DCC: variants seen among roughly 807,000 people sequenced by gnomAD.
The protein encoded by DCC is netrin receptor DCC.
Under a neutral mutation model 172.5 loss-of-function variants are expected in DCC, and 58 were observed. That is an observed-to-expected ratio of 0.34 (90% CI 0.27 to 0.42). The LOEUF (loss-of-function observed/expected upper bound fraction) is 0.42, where lower values mean the gene tolerates loss of function less well. Ranked by LOEUF, DCC falls within the 10% of genes least tolerant of loss-of-function variation. DCC has a pLI of 1.00. For synonymous variants in DCC, 709 were observed against 644.5 expected (o/e 1.10, Z -1.52); for missense variants, 1,740 against 1,791.0 (o/e 0.97, Z 0.51).
intron 2 of DCC, among the ~76,000 whole-genome samples, chr18:52,788,432 C>A (rs181309715): frequency 6.6e-5 from 10 of 152,116 alleles, no homozygotes; most frequent in Non-Finnish European, 1.5e-4. Context: ...GTAAAGCATG[C>A]AGTATACAAC....
chr18:53,241,854 C>T (rs1197115933), intron 12 of DCC, among the ~76,000 whole-genome samples: 1 of 152,126 alleles, frequency 6.6e-6, no homozygotes, highest in African/African-American at 2.4e-5. Flanking sequence ...TGGAAAATCA[C>T]ACATGGAGTT....
intron 1 of DCC, among the ~76,000 whole-genome samples, chr18:52,345,787 G>A (rs1454735054): frequency 6.6e-6 from 1 of 151,536 alleles, no homozygotes; most frequent in Non-Finnish European, 1.5e-5. Flanking sequence ...GCTGCTTTTG[G>A]TGGAGAGTTA....
At chr18:52,734,907 A>G (rs1398818269) in intron 1 of DCC, among the ~76,000 whole-genome samples, 1 of 152,168 alleles carries the variant, frequency 6.6e-6, no homozygotes, top group African/African-American at 2.4e-5. Context: ...TATGTGGTAG[A>G]TCAATAAATA....
chr18:52,739,163 A>T (rs865779746), intron 1 of DCC, among the ~76,000 whole-genome samples: 1 of 152,180 alleles, frequency 6.6e-6, no homozygotes, highest in Non-Finnish European at 1.5e-5. Context: ...CTACAAGCTT[A>T]TAAGACCACT....
At chr18:52,630,784 TA>T (rs1231748769) in intron 1 of DCC, among the ~76,000 whole-genome samples, 1 of 152,208 alleles carries the variant, frequency 6.6e-6, no homozygotes, top group African/African-American at 2.4e-5. Context: ...AGGTTACACT[TA>T]AACATTACTC....
At chr18:53,362,912 T>C (rs1160590233) in intron 15 of DCC, among the ~76,000 whole-genome samples, 2 of 152,182 alleles carry the variant, frequency 1.3e-5, no homozygotes, top group Non-Finnish European at 2.9e-5. Flanking sequence ...ATAATAATGG[T>C]AATGAATAAC....
intron 5 of DCC, among the ~76,000 whole-genome samples, chr18:53,027,534 T>C (rs1432534163): frequency 6.6e-6 from 1 of 152,180 alleles, no homozygotes; most frequent in Non-Finnish European, 1.5e-5. Context: ...GTCAGTGCTC[T>C]GACAAAAGTA....
chr18:52,851,139 C>CT (rs1484530598), intron 2 of DCC, among the ~76,000 whole-genome samples: 1 of 151,930 alleles, frequency 6.6e-6, no homozygotes. Context: ...GTGAGGTGAC[C>CT]TCACCAAAAT....
intron 2 of DCC, among the ~76,000 whole-genome samples, chr18:52,882,478 T>C (rs1050983222): frequency 1.3e-5 from 2 of 152,098 alleles, no homozygotes; most frequent in Admixed American, 6.6e-5. Flanking sequence ...TTTTGGAATG[T>C]TGTGTTTCCA....
chr18:52,813,655 G>A lies in DCC; in HGVS notation c.412+61281G>A, dbSNP rs1174855596. On this transcript the variant is annotated intron_variant, in intron 2 of 28. Transcript: ENST00000442544. ...GCCAGACATCATTCTTGGTATATCT[G>A]TGAGGTTGTTTTTGGTTGAGATTAA... is the stretch of plus-strand genomic sequence containing the variant. 2.0e-5 allele frequency among the ~76,000 whole-genome samples: 3 copies of A among 152,214 alleles called. No homozygotes were observed. In the East Asian group the frequency reaches 5.8e-4, roughly 29 times the overall value.
At chr18:52,847,723 G>T (rs910800092) in intron 2 of DCC, among the ~76,000 whole-genome samples, 1 of 152,140 alleles carries the variant, frequency 6.6e-6, no homozygotes, top group African/African-American at 2.4e-5. Context: ...TTCCTGGTTA[G>T]ACCATTGGAT....
intron 1 of DCC, among the ~76,000 whole-genome samples, chr18:52,486,411 T>C (rs907798138): frequency 6.6e-6 from 1 of 152,164 alleles, no homozygotes; most frequent in Non-Finnish European, 1.5e-5. Flanking sequence ...AGACCTGATA[T>C]ACACCTTATA....
chr18:53,414,972 A>T (rs935309437), intron 20 of DCC, among the ~76,000 whole-genome samples: 1 of 152,192 alleles, frequency 6.6e-6, no homozygotes, highest in Non-Finnish European at 1.5e-5. Context: ...TTGATTTCTG[A>T]TTTAGAAATC....
chr18:53,082,879 C>T (rs891419222), intron 7 of DCC, among the ~76,000 whole-genome samples: 1 of 152,054 alleles, frequency 6.6e-6, no homozygotes, highest in African/African-American at 2.4e-5. Flanking sequence ...CCTCCACTCC[C>T]TCATTCCTAG....
chr18:53,361,704 T>C (rs941216871), intron 15 of DCC, among the ~76,000 whole-genome samples: 1 of 152,196 alleles, frequency 6.6e-6, no homozygotes, highest in African/African-American at 2.4e-5. Flanking sequence ...CTACCTTTTT[T>C]GTAATGTGGC....
intron 15 of DCC, among the ~76,000 whole-genome samples, chr18:53,361,180 A>G (rs1253784698): frequency 6.6e-6 from 1 of 152,156 alleles, no homozygotes; most frequent in Non-Finnish European, 1.5e-5. Flanking sequence ...CAGAAAAGGC[A>G]AAAAAGGATC....
intron 2 of DCC, among the ~76,000 whole-genome samples, chr18:52,871,322 C>CTTT (rs77020050): frequency 1.6e-3 from 226 of 145,534 alleles, no homozygotes; most frequent in African/African-American, 5.6e-3. Context: ...AGAACAGTGT[C>CTTT]TTTTTTTTTT....
chr18:52,760,062 C>T (rs781035982), intron 2 of DCC, among the ~76,000 whole-genome samples: 40 of 152,176 alleles, frequency 2.6e-4, no homozygotes, highest in Non-Finnish European at 4.4e-4. Flanking sequence ...AGTCTGTTCT[C>T]ACACTGCTAT....
chr18:52,400,616 A>G (rs574318130), intron 1 of DCC, among the ~76,000 whole-genome samples: 2 of 152,216 alleles, frequency 1.3e-5, no homozygotes, highest in Admixed American at 1.3e-4. Context: ...AGGATTATAA[A>G]TCATTCTACT....
Sources: gnomAD v4.1 joint callset for allele counts (sites outside exome capture counted in the v4.1 genomes callset) on GRCh38, gnomAD v4.1.1 for gene constraint, MANE v1.5 for transcripts, NCBI Gene and HGNC (gene_info 2026-07-23, HGNC 2026-07-21) for gene names.